The following ADAMTS19 variants were observed in gnomAD, a reference collection of about 807,000 sequenced individuals.
The protein encoded by ADAMTS19 is A disintegrin and metalloproteinase with thrombospondin motifs 19.
ADAMTS19 carries 93 observed loss-of-function variants against 153.3 expected under a neutral mutation model. That is an observed-to-expected ratio of 0.61 (90% CI 0.51 to 0.72). The LOEUF is 0.72. Among genes scored for constraint, ADAMTS19 ranks in the 30% least tolerant of loss-of-function variants. The probability of loss-of-function intolerance (pLI) is 0.00; values close to 1 mark genes in which losing one functional copy is unlikely to be tolerated. For synonymous variants in ADAMTS19, 600 were observed against 556.6 expected, an observed-to-expected ratio of 1.08 and a Z score of -1.10; for missense variants, 1,482 against 1,552.1, an observed-to-expected ratio of 0.95 and a Z score of 0.76.
At chr5:129,550,046 G>A (rs1232925980) in intron 6 of ADAMTS19, among the ~76,000 whole-genome samples, 1 of 59,230 alleles carries the variant, frequency 1.7e-5, no homozygotes, top group African/African-American at 5.9e-5. Flanking sequence ...ACATATACAT[G>A]TATCTGTATA....
intron 19 of ADAMTS19, 34 bp from the exon 20 acceptor site, chr5:129,701,354 A>G: frequency 6.2e-7 from 1 of 1,609,106 alleles, no homozygotes; most frequent in Non-Finnish European, 8.5e-7. Flanking sequence ...GGTATCTTTT[A>G]ACTTGTTTCC....
At chr5:129,723,494 T>G (rs1188274286) in intron 21 of ADAMTS19, among the ~76,000 whole-genome samples, 1 of 152,202 alleles carries the variant, frequency 6.6e-6, no homozygotes, top group Non-Finnish European at 1.5e-5. Flanking sequence ...CTATTTGAGC[T>G]TCTCATTTAC....
intron 8 of ADAMTS19, among the ~76,000 whole-genome samples, chr5:129,613,295 C>G (rs1649302926): frequency 6.6e-6 from 1 of 152,170 alleles, no homozygotes; most frequent in South Asian, 2.1e-4. Flanking sequence ...GTAAAGCACT[C>G]TTCAGCAAAT....
At chr5:129,576,055 A>C (rs1754086844) in intron 7 of ADAMTS19, among the ~76,000 whole-genome samples, 1 of 142,650 alleles carries the variant, frequency 7.0e-6, no homozygotes, top group Admixed American at 6.9e-5. Flanking sequence ...GCGGGGAGGA[A>C]GGGGGTGGGT....
chr5:129,552,690 TG>T (rs1753166767), intron 7 of ADAMTS19, among the ~76,000 whole-genome samples: 1 of 151,952 alleles, frequency 6.6e-6, no homozygotes, highest in Non-Finnish European at 1.5e-5. Context: ...TTGTGTCATT[TG>T]TTTTTTTATA....
At chr5:129,663,841 C>T (rs1019013230) in intron 15 of ADAMTS19, among the ~76,000 whole-genome samples, 2 of 152,164 alleles carry the variant, frequency 1.3e-5, no homozygotes, top group East Asian at 3.9e-4. Flanking sequence ...TTTAATAGAG[C>T]CACTCTCTTA....
At chr5:129,611,985 TTATTA>T (rs1337977276) in intron 8 of ADAMTS19, among the ~76,000 whole-genome samples, 1 of 151,976 alleles carries the variant, frequency 6.6e-6, no homozygotes, top group African/African-American at 2.4e-5. Flanking sequence ...TATTTTATTA[TTATTA>T]TATTTTAAGT....
chr5:129,577,167 A>T (rs2126875702), intron 7 of ADAMTS19, among the ~76,000 whole-genome samples: 1 of 152,268 alleles, frequency 6.6e-6, no homozygotes, highest in African/African-American at 2.4e-5. Context: ...CTAGAAAGAC[A>T]TCAGTTACAT....
intron 13 of ADAMTS19, among the ~76,000 whole-genome samples, chr5:129,649,958 G>T (rs1000450530): frequency 1.3e-5 from 2 of 152,130 alleles, no homozygotes; most frequent in African/African-American, 2.4e-5. Flanking sequence ...CAAACAGATT[G>T]CTTGAGCTCA....
intron 9 of ADAMTS19, among the ~76,000 whole-genome samples, chr5:129,621,168 G>GT (rs1186536999): frequency 6.6e-6 from 1 of 152,024 alleles, no homozygotes; most frequent in Non-Finnish European, 1.5e-5. Flanking sequence ...CACTTCTAAT[G>GT]TTTTTTCATT....
rs568619902 is a variant in ADAMTS19 at position 129,485,905 on chromosome 5, C to A, written c.748-23172C>A. Among the ~76,000 whole-genome samples the A allele has an allele frequency of 4.6e-5, 7 of 152,144 alleles. No homozygotes were observed. The East Asian group carries it at 9.7e-4, about 21-fold the overall frequency. On this transcript the variant is annotated intron_variant, in intron 2 of 22. Transcript: ENST00000274487. The stretch of plus-strand genomic sequence containing the variant: ...TTCCAGGTTCAAGTGATTCTCCTGC[C>A]TCTGCCTCCTGAGTAGCTGGGATTA...
At chr5:129,669,755 G>T (rs767193708) in intron 16 of ADAMTS19, among the ~76,000 whole-genome samples, 2 of 151,802 alleles carry the variant, frequency 1.3e-5, no homozygotes, top group African/African-American at 4.8e-5. Context: ...GTCCCATAAG[G>T]TATGGCTTTG....
intron 14 of ADAMTS19, 118 bp downstream of exon 14, chr5:129,654,551 TC>T: frequency 8.6e-7 from 1 of 1,167,806 alleles, no homozygotes; most frequent in Non-Finnish European, 1.2e-6. Context: ...GTTGCTATAG[TC>T]CTGCCTTGAC....
At chr5:129,665,057 C>A (rs765058550) in intron 15 of ADAMTS19, among the ~76,000 whole-genome samples, 2 of 152,076 alleles carry the variant, frequency 1.3e-5, no homozygotes, top group Non-Finnish European at 2.9e-5. Flanking sequence ...CTTCAGTACT[C>A]CAGGGATTTA....
At chr5:129,611,933 A>C (rs1291380863) in intron 8 of ADAMTS19, among the ~76,000 whole-genome samples, 1 of 152,060 alleles carries the variant, frequency 6.6e-6, no homozygotes, top group Non-Finnish European at 1.5e-5. Context: ...AGTGGGGGCT[A>C]ATATTCAACA....
chr5:129,647,917 G>A, intron 12 of ADAMTS19, 22 bp downstream of exon 12: 1 of 1,597,850 alleles, frequency 6.3e-7, no homozygotes, highest in East Asian at 2.2e-5. Context: ...GTTCCTGGTT[G>A]GGGGAGGGCA....
chr5:129,646,021 T>C (rs1175983950), intron 11 of ADAMTS19, among the ~76,000 whole-genome samples: 1 of 147,790 alleles, frequency 6.8e-6, no homozygotes, highest in Non-Finnish European at 1.5e-5. Context: ...CCCAAGTAGC[T>C]GGGACTACAG....
chr5:129,534,767 A>G (rs946118200), intron 6 of ADAMTS19, among the ~76,000 whole-genome samples: 12 of 152,234 alleles, frequency 7.9e-5, no homozygotes, highest in African/African-American at 2.9e-4. Context: ...GGCTTGTTCA[A>G]CATACGAAAA....
Position 129,633,743 on chromosome 5 carries a change from A to G in ADAMTS19, c.1771-8116A>G, listed in dbSNP as rs181805549. 2.1e-3 allele frequency among the ~76,000 whole-genome samples: 324 copies of G among 152,244 alleles called. 2 individuals carry two copies. The highest frequency in any genetic ancestry group is 0.02 in the Admixed American group (306 of 15,274). On this transcript the variant is annotated intron_variant, in intron 10 of 22. Coordinates refer to ENST00000274487, the MANE Select transcript of ADAMTS19 (RefSeq NM_133638.6). ...AGATTTAAACTGGAAATTTTGTCTCATCTATTGTAGGCAGCAGCTCATATC... is the reference window on the plus strand; with the variant it reads ...AGATTTAAACTGGAAATTTTGTCTCGTCTATTGTAGGCAGCAGCTCATATC...
Sources: allele counts gnomAD v4.1 joint callset (sites outside exome capture counted in the v4.1 genomes callset), GRCh38; gene constraint gnomAD v4.1.1; transcripts MANE v1.5; gene names NCBI Gene and HGNC (gene_info 2026-07-23, HGNC 2026-07-21).